Variants in SLC24A2 observed in about 807,000 individuals in gnomAD.
SLC24A2 encodes solute carrier family 24 member 2.
Under a neutral mutation model 62.0 loss-of-function variants are expected in SLC24A2, and 36 were observed. The ratio of observed to expected loss-of-function variants is 0.58; its 90% CI spans 0.44 to 0.77. The LOEUF is 0.77. Among genes scored for constraint, SLC24A2 ranks in the 30% least tolerant of loss-of-function variants. The pLI is 0.00. For synonymous variants in SLC24A2, 358 were observed against 294.0 expected, an observed-to-expected ratio of 1.22 and a Z score of -2.23; for missense variants, 846 against 817.9, an observed-to-expected ratio of 1.03 and a Z score of -0.42.
At chr9:20,158,469 G>T in the SLC24A2 span, among the ~76,000 whole-genome samples, 1 of 151,510 alleles carries the variant, frequency 6.6e-6, no homozygotes, top group Admixed American at 6.6e-5. Flanking sequence ...GCCATTTGAG[G>T]ACACATAGAA....
the SLC24A2 span, among the ~76,000 whole-genome samples, chr9:19,922,373 T>A: frequency 6.6e-6 from 1 of 152,236 alleles, no homozygotes; most frequent in African/African-American, 2.4e-5. Context: ...AGTGTTCTTC[T>A]CTGATTTGCA....
the SLC24A2 span, among the ~76,000 whole-genome samples, chr9:19,964,650 C>T: frequency 6.6e-6 from 1 of 152,154 alleles, no homozygotes. Flanking sequence ...TCCCTTTCTT[C>T]TATGTTTCTA....
the SLC24A2 span, among the ~76,000 whole-genome samples, chr9:19,813,525 G>A: frequency 6.6e-6 from 1 of 151,588 alleles, no homozygotes; most frequent in Non-Finnish European, 1.5e-5. Flanking sequence ...TGCCTTGTTG[G>A]CCAGGCTGGT....
At chr9:19,726,170 T>C (rs765483013) in intron 2 of SLC24A2, among the ~76,000 whole-genome samples, 1 of 152,190 alleles carries the variant, frequency 6.6e-6, no homozygotes, top group Non-Finnish European at 1.5e-5. Context: ...CCAGTCTCCC[T>C]GGAGTCACCT....
intron 6 of SLC24A2, among the ~76,000 whole-genome samples, chr9:19,576,399 C>A (rs376413553): frequency 1.5e-4 from 23 of 152,172 alleles, no homozygotes; most frequent in African/African-American, 5.5e-4. Context: ...GGGGCTGTTA[C>A]TGCTGAATTC....
At chr9:20,264,548 G>A in the SLC24A2 span, among the ~76,000 whole-genome samples, 4 of 152,104 alleles carry the variant, frequency 2.6e-5, no homozygotes, top group African/African-American at 9.7e-5. Flanking sequence ...AAACACAATT[G>A]GCATTCAATT....
chr9:19,892,915 C>T, the SLC24A2 span, among the ~76,000 whole-genome samples: 1 of 152,120 alleles, frequency 6.6e-6, no homozygotes, highest in East Asian at 1.9e-4. Context: ...GTCTAACAGG[C>T]TGCCCAAGTC....
chr9:19,530,257 A>G (rs776951723), intron 8 of SLC24A2, among the ~76,000 whole-genome samples: 11 of 152,020 alleles, frequency 7.2e-5, no homozygotes, highest in Admixed American at 2.6e-4. Flanking sequence ...TTCATCTTCC[A>G]TGGCTGTGCT....
the SLC24A2 span, among the ~76,000 whole-genome samples, chr9:20,096,030 G>A: frequency 1.3e-5 from 2 of 152,134 alleles, no homozygotes; most frequent in African/African-American, 4.8e-5. Flanking sequence ...TACAATTGAA[G>A]ATGAGATGTA....
At chr9:20,200,203 C>T in the SLC24A2 span, among the ~76,000 whole-genome samples, 1 of 152,072 alleles carries the variant, frequency 6.6e-6, no homozygotes, top group Admixed American at 6.6e-5. Flanking sequence ...CACAGAGTAG[C>T]CTCTGGCTCC....
chr9:19,892,760 T>C, the SLC24A2 span, among the ~76,000 whole-genome samples: 1 of 152,134 alleles, frequency 6.6e-6, no homozygotes, highest in Non-Finnish European at 1.5e-5. Flanking sequence ...ATGGAGGAAC[T>C]GAAGCTTGGC....
the SLC24A2 span, among the ~76,000 whole-genome samples, chr9:19,857,571 ATGCACATATT>A: frequency 6.6e-6 from 1 of 152,216 alleles, no homozygotes; most frequent in Non-Finnish European, 1.5e-5. Flanking sequence ...GATACAAATT[ATGCACATATT>A]TGTTAAATGT....
intron 7 of SLC24A2, among the ~76,000 whole-genome samples, chr9:19,568,702 G>C (rs1835749498): frequency 6.6e-6 from 1 of 152,234 alleles, no homozygotes; most frequent in African/African-American, 2.4e-5. Context: ...CTGTGTGATA[G>C]TGACCAAAGC....
intron 2 of SLC24A2, among the ~76,000 whole-genome samples, chr9:19,662,239 A>G (rs1263998958): frequency 6.6e-6 from 1 of 152,250 alleles, no homozygotes; most frequent in Non-Finnish European, 1.5e-5. Flanking sequence ...CATGTAATCA[A>G]TAGAAGAATT....
chr9:19,969,079 G>A, the SLC24A2 span, among the ~76,000 whole-genome samples: 3 of 151,798 alleles, frequency 2.0e-5, no homozygotes, highest in African/African-American at 4.8e-5. Flanking sequence ...ATTAAGAACA[G>A]CTTTCTTTCA....
At chr9:19,908,842 G>A in the SLC24A2 span, among the ~76,000 whole-genome samples, 1 of 152,138 alleles carries the variant, frequency 6.6e-6, no homozygotes, top group South Asian at 2.1e-4. Context: ...ACAGGTGCTG[G>A]AGAGGCTGTG....
rs574062142 is a variant in SLC24A2, at chr9:19,771,780, C to A, written c.930+14157G>T. Among the ~76,000 whole-genome samples, 4 of 152,310 alleles carry A rather than the reference C, an allele frequency of 2.6e-5. No homozygotes were observed. The East Asian group carries it at 7.7e-4, about 29-fold the overall frequency. On this transcript the variant is annotated intron_variant, in intron 2 of 10. Coordinates refer to ENST00000341998, the MANE Select transcript of SLC24A2 (RefSeq NM_020344.4). ...CAGCTTTGTGCAATTACTGTCCATG[C>A]TAGACAAGGACAGAGTAGATCATTA...
At chr9:19,639,113 T>A (rs538359209) in intron 2 of SLC24A2, among the ~76,000 whole-genome samples, 2 of 68,522 alleles carry the variant, frequency 2.9e-5, no homozygotes, top group African/African-American at 1.1e-4. Flanking sequence ...AAGTGGTTTT[T>A]TCCCCCAACA....
At chr9:19,573,957 T>C (rs924664058) in intron 6 of SLC24A2, among the ~76,000 whole-genome samples, 5 of 152,330 alleles carry the variant, frequency 3.3e-5, no homozygotes, top group South Asian at 2.1e-4. Context: ...GTTTCTTTGA[T>C]ACTGTACTCT....
Sources: gnomAD v4.1 joint callset for allele counts (sites outside exome capture counted in the v4.1 genomes callset) on GRCh38, gnomAD v4.1.1 for gene constraint, MANE v1.5 for transcripts, NCBI Gene and HGNC (gene_info 2026-07-23, HGNC 2026-07-21) for gene names.